Variants in NUDT1 observed in about 807,000 individuals in gnomAD.
NUDT1 encodes oxidized purine nucleoside triphosphate hydrolase.
A neutral mutation model predicts 11.3 loss-of-function variants in NUDT1; 16 were observed. That is an observed-to-expected ratio of 1.41 (90% CI 0.96 to 2.15). The LOEUF is 2.15. NUDT1 is among the 30% of genes most tolerant of loss of function. NUDT1 has a pLI of 0.00. For synonymous variants in NUDT1, 101 were observed against 84.4 expected (o/e 1.20, Z -1.08); for missense variants, 234 against 208.4 (o/e 1.12, Z -0.76).
intron 2 of NUDT1, 108 bp from the exon 3 acceptor site, chr7:2,249,749 G>T: frequency 7.0e-7 from 1 of 1,437,036 alleles, no homozygotes; most frequent in Non-Finnish European, 9.5e-7. Flanking sequence ...CATCCACCCT[G>T]GTGGCTCCCT....
chr7:2,244,778 A>G (rs1794706825), intron 2 of NUDT1, 52 bp downstream of exon 2: 1 of 1,572,998 alleles, frequency 6.4e-7, no homozygotes, highest in Admixed American at 1.9e-5. Context: ...GGGCACAGGG[A>G]TTCGGGCTGT....
intron 1 of NUDT1, 54 bp from the exon 2 acceptor site, chr7:2,244,509 C>T (rs956057071): frequency 6.8e-7 from 1 of 1,473,974 alleles, no homozygotes; most frequent in Non-Finnish European, 9.0e-7. Context: ...GCCCCTGGCA[C>T]GTGCTTCCTC....
intron 1 of NUDT1, chr7:2,242,851 G>A: frequency 4.4e-6 from 3 of 682,152 alleles, no homozygotes; most frequent in Middle Eastern, 3.8e-4. Context: ...GTTTAGCCTT[G>A]TAGGTGGCTT....
chr7:2,242,923 A>C, intron 1 of NUDT1: 1 of 710,590 alleles, frequency 1.4e-6, no homozygotes, highest in South Asian at 1.5e-5. Context: ...CTGTATCCCT[A>C]GGTTTCTTGC....
At chr7:2,249,570 G>A (rs1794897447) in intron 2 of NUDT1, 28 of 483,818 alleles carry the variant, frequency 5.8e-5, no homozygotes, top group South Asian at 5.3e-4. Context: ...GTACACAGAG[G>A]GCACTGGGCT....
At chr7:2,244,985 T>C (rs1391625342) in intron 2 of NUDT1, among the ~76,000 whole-genome samples, 1 of 152,128 alleles carries the variant, frequency 6.6e-6, no homozygotes, top group Non-Finnish European at 1.5e-5. Flanking sequence ...GCGTGTTAGC[T>C]GTTGTGGTGC....
rs764448314 is a variant in NUDT1, at chr7:2,250,969, G to T, written c.439G>T (p.Asp147Tyr). 10 of 1,613,960 alleles carry T rather than the reference G, an allele frequency of 6.2e-6. No individual in the cohort carries two copies. The South Asian group carries it at 1.1e-4, about 18-fold the overall frequency. ...GTTCCAGGGTCAGGACACCATCCTG[G>T]ACTACACACTCCGCGAGGTGGACAC... ...FKFQGQDTIL[D>Y]YTLREVDTV The change falls in exon 4 of 4, where the codon GAC becomes TAC. Residue 147 changes from aspartate to tyrosine, a missense_variant. By Grantham distance (160) the Asp-to-Tyr change is radical (BLOSUM62 -3). Coordinates refer to ENST00000356714, the MANE Select transcript of NUDT1 (RefSeq NM_002452.4).
intron 1 of NUDT1, chr7:2,242,911 T>C (rs1794605925): frequency 7.1e-6 from 5 of 707,946 alleles, no homozygotes; most frequent in Middle Eastern, 7.3e-4. Context: ...ACAGAGGGCT[T>C]TCTGTATCCC....
At chr7:2,242,984 A>G in intron 1 of NUDT1, 1 of 716,800 alleles carries the variant, frequency 1.4e-6, no homozygotes, top group Non-Finnish European at 2.6e-6. Context: ...GAGTGAGTGC[A>G]AGGTTTTATG....
At chr7:2,244,452 A>G (rs1584635994) in intron 1 of NUDT1, 111 bp from the exon 2 acceptor site, 55 of 553,010 alleles carry the variant, frequency 9.9e-5, no homozygotes, top group Non-Finnish European at 1.4e-4. Context: ...GTTACAGCAT[A>G]CCCCCCCGCC....
chr7:2,251,072 G>A lies in NUDT1; in HGVS notation c.*71G>A. The A allele has an allele frequency of 3.4e-6, 5 of 1,488,560 alleles. No homozygotes were observed. The highest frequency in any genetic ancestry group is 4.7e-6 in the Non-Finnish European group (5 of 1,070,124). 92.2% of individuals were successfully genotyped at this position (1,488,560 alleles called of 1,614,324 possible). A position where few individuals can be genotyped will look rare whatever the true frequency, so the allele number is the denominator to read the frequency against. ...AGCCGCAAACCATCTTCACCTGGGG[G>A]CATTGAGTGGCGCAGAGCCGGGTTT... On this transcript the variant is annotated 3_prime_UTR_variant, in exon 4 of 4. Coordinates refer to ENST00000356714, the MANE Select transcript of NUDT1 (RefSeq NM_002452.4).
At chr7:2,243,868 T>TCTGGAC (rs922512304) in intron 1 of NUDT1, among the ~76,000 whole-genome samples, 7 of 150,588 alleles carry the variant, frequency 4.6e-5, no homozygotes, top group South Asian at 2.1e-4. Flanking sequence ...CTCAGAGTCC[T>TCTGGAC]CTGGACCTGG....
At chr7:2,243,314 G>A (rs1336692696) in intron 1 of NUDT1, among the ~76,000 whole-genome samples, 2 of 152,188 alleles carry the variant, frequency 1.3e-5, no homozygotes, top group African/African-American at 4.8e-5. Flanking sequence ...CCAGGTCCCT[G>A]GGCACAGGCC....
intron 3 of NUDT1, 45 bp from the exon 4 acceptor site, chr7:2,250,784 A>T (rs375889503): frequency 7.5e-5 from 121 of 1,612,328 alleles, no homozygotes; most frequent in Non-Finnish European, 1.0e-4. Context: ...TTAAGCATGA[A>T]GTTTGGGTTG....
intron 2 of NUDT1, among the ~76,000 whole-genome samples, chr7:2,248,805 C>G (rs970163909): frequency 6.6e-6 from 1 of 152,218 alleles, no homozygotes; most frequent in Non-Finnish European, 1.5e-5. Flanking sequence ...ATCCTCCCAC[C>G]TTGGCCTCCA....
chr7:2,251,076 T>G lies in NUDT1; in HGVS notation c.*75T>G, dbSNP rs1795006075. 8 of 1,471,266 alleles carry G rather than the reference T, an allele frequency of 5.4e-6. No individual in the cohort carries two copies. Among genetic ancestry groups the G allele is most frequent in the Non-Finnish European group, 7.6e-6 (8 of 1,055,048 alleles). The allele number at this position is 1,471,266 out of a possible 1,614,324, so 91.1% of individuals were successfully genotyped here. A position where few individuals can be genotyped will look rare whatever the true frequency, so the allele number is the denominator to read the frequency against. ...GCAAACCATCTTCACCTGGGGGCATTGAGTGGCGCAGAGCCGGGTTTCATC... is the reference window on the plus strand; with the variant it reads ...GCAAACCATCTTCACCTGGGGGCATGGAGTGGCGCAGAGCCGGGTTTCATC... On this transcript the variant is annotated 3_prime_UTR_variant, in exon 4 of 4. Transcript: ENST00000356714.
intron 3 of NUDT1, 123 bp from the exon 4 acceptor site, chr7:2,250,706 C>A (rs1351705012): frequency 2.7e-6 from 2 of 739,096 alleles, no homozygotes; most frequent in Admixed American, 3.8e-5. Context: ...GATCCTCCCG[C>A]CTCGGCCTCC....
intron 2 of NUDT1, among the ~76,000 whole-genome samples, chr7:2,247,312 A>G (rs1794806345): frequency 6.6e-6 from 1 of 152,018 alleles, no homozygotes; most frequent in Admixed American, 6.5e-5. Flanking sequence ...CGGTTTAGGC[A>G]CCCTCCCCGC....
chr7:2,246,109 A>G (rs1046586122), intron 2 of NUDT1, among the ~76,000 whole-genome samples: 3 of 152,114 alleles, frequency 2.0e-5, no homozygotes, highest in Non-Finnish European at 2.9e-5. Flanking sequence ...ACAGCACAGG[A>G]AACAGGAAAG....
Sources: gnomAD v4.1 joint callset for allele counts (sites outside exome capture counted in the v4.1 genomes callset) on GRCh38, gnomAD v4.1.1 for gene constraint, MANE v1.5 for transcripts, NCBI Gene and HGNC (gene_info 2026-07-23, HGNC 2026-07-21) for gene names.